ZNF592: variants seen among roughly 807,000 people sequenced by gnomAD.
ZNF592 encodes the protein spinocerebellar ataxia, autosomal recessive 5.
ZNF592 carries 11 observed loss-of-function variants against 80.3 expected under a neutral mutation model. The observed-to-expected ratio is 0.14, with a 90% CI of 0.09 to 0.23. ZNF592 has a LOEUF of 0.23. Ranked by LOEUF, ZNF592 falls within the 10% of genes least tolerant of loss-of-function variation. The pLI, the probability that ZNF592 is intolerant of heterozygous loss-of-function variation, is 1.00. For synonymous variants in ZNF592, 646 were observed against 640.3 expected (o/e 1.01, Z -0.13); for missense variants, 1,420 against 1,633.9 (o/e 0.87, Z 2.26).
chr15:84,783,026 A>T lies in ZNF592; in HGVS notation c.351A>T (p.Gly117=). ...CGKFDSTFMN[G]DSARSFPGKL... is the part of the protein sequence containing the mutation. ...AATTTGATTCTACTTTTATGAATGG[A>T]GACAGTGCCAGGAGTTTCCCTGGCA... The change falls in exon 4 of 11, where the codon GGA becomes GGT. Residue 117 remains glycine, a synonymous_variant. Transcript: ENST00000560079. This position sits in a 1 kb window ranked among gnomAD's most constrained non-coding sequence, Gnocchi z 5.0. 1 of 1,614,130 alleles carries T rather than the reference A, an allele frequency of 6.2e-7. No homozygotes were observed. Among genetic ancestry groups the T allele is most frequent in the Non-Finnish European group, 8.5e-7 (1 of 1,180,016 alleles).
At position 84,764,717 on chromosome 15, in the gene ZNF592, G is replaced by C; in HGVS notation, c.-248G>C. On this transcript the variant is annotated 5_prime_UTR_variant, in exon 2 of 11. Coordinates refer to ENST00000560079, the MANE Select transcript of ZNF592 (RefSeq NM_014630.3). ...TTCTTCTTTCCTTAGGTGGTGTTTG[G>C]ACTCTAGACCATGTGCCTAGGTAGA... The C allele has an allele frequency of 2.5e-6, 1 of 398,780 alleles. No individual in the cohort carries two copies. The allele number at this position is 398,780 out of a possible 1,614,324, so 24.7% of individuals were successfully genotyped here. A position where few individuals can be genotyped will look rare whatever the true frequency, so the allele number is the denominator to read the frequency against.
intron 1 of ZNF592, among the ~76,000 whole-genome samples, chr15:84,759,042 T>C (rs1337777504): frequency 6.6e-6 from 1 of 152,202 alleles, no homozygotes; most frequent in Non-Finnish European, 1.5e-5. Flanking sequence ...GGTCTCCCTA[T>C]GCCCTTTGCC....
rs1596125375 is a variant in ZNF592, at chr15:84,784,993, G to A, written c.2220+98G>A. The A allele has an allele frequency of 2.2e-5, 30 of 1,370,886 alleles. No homozygotes were observed. Among genetic ancestry groups the A allele is most frequent in the East Asian group, 1.2e-4 (5 of 43,426 alleles). The allele number at this position is 1,370,886 out of a possible 1,614,324, so 84.9% of individuals were successfully genotyped here. On this transcript the variant is annotated intron_variant, in intron 4 of 10. Coordinates refer to ENST00000560079, the MANE Select transcript of ZNF592 (RefSeq NM_014630.3). This position sits in a 1 kb window ranked among gnomAD's most constrained non-coding sequence, Gnocchi z 5.8. Reference sequence around the variant, plus strand: ...AAAGCTCATTGATATGGGGGCAGTGGTGGAATCTTATGAGTCTTAGAAGAG... The same window carrying A: ...AAAGCTCATTGATATGGGGGCAGTGATGGAATCTTATGAGTCTTAGAAGAG...
intron 3 of ZNF592, among the ~76,000 whole-genome samples, chr15:84,779,271 TTTC>T (rs1373451348): frequency 7.2e-5 from 11 of 152,200 alleles, no homozygotes; most frequent in South Asian, 2.1e-4. Context: ...TTCTTTACAG[TTTC>T]TTCTTTTGCT....
chr15:84,771,448 C>T (rs1453618890), intron 2 of ZNF592, among the ~76,000 whole-genome samples: 1 of 151,928 alleles, frequency 6.6e-6, no homozygotes, highest in African/African-American at 2.4e-5. Flanking sequence ...CAGAGAGGCA[C>T]GAGAAAGTGT....
At chr15:84,790,530 A>G (rs1434080939) in intron 4 of ZNF592, among the ~76,000 whole-genome samples, 175 bp from the exon 5 acceptor site, 1 of 152,214 alleles carries the variant, frequency 6.6e-6, no homozygotes, top group East Asian at 1.9e-4. Context: ...GGGTATCAGT[A>G]TCAGCACTGG....
Position 84,781,105 on chromosome 15 carries a change from G to C in ZNF592, c.-19-1552G>C, listed in dbSNP as rs552613154. ...CACTCTGTCGCCCAGGCTGGGGGCA[G>C]TGGTGCGATCTCTACTCATGGCAAC... On this transcript the variant is annotated intron_variant, in intron 3 of 10. Transcript: ENST00000560079. Among the ~76,000 whole-genome samples, 4 of 152,176 alleles carry C rather than the reference G, an allele frequency of 2.6e-5. No homozygotes were observed. The South Asian group carries it at 8.3e-4, about 32-fold the overall frequency.
Position 84,804,924 on chromosome 15 carries a change from C to T in ZNF592, c.*2531C>T, listed in dbSNP as rs1963198320. 1 of 152,310 alleles carries T rather than the reference C, an allele frequency of 6.6e-6. No individual in the cohort carries two copies. The highest frequency in any genetic ancestry group is 6.5e-5 in the Admixed American group (1 of 15,302). 9.4% of individuals were successfully genotyped at this position (152,310 alleles called of 1,614,324 possible). On this transcript the variant is annotated 3_prime_UTR_variant, in exon 11 of 11. Transcript: ENST00000560079. ...ATTTTACGGAGAAGAAACCGAGGCT[C>T]CGAGAGGTTAAACGATGTGCAGAGG...
chr15:84,771,490 G>A (rs139174983), intron 2 of ZNF592, among the ~76,000 whole-genome samples: 1 of 152,212 alleles, frequency 6.6e-6, no homozygotes, highest in East Asian at 1.9e-4. Context: ...AGAATGAAAG[G>A]TATCCTGGCA....
Position 84,799,779 on chromosome 15 carries a change from G to C in ZNF592, c.3138-63G>C. ...ACTCCCTCCTTCCTGGCCTTGGTGT[G>C]AATAGCACTGAGGGAGCCTGCGGCC... On this transcript the variant is annotated intron_variant, in intron 9 of 10. Transcript: ENST00000560079. This position sits in a 1 kb window ranked among gnomAD's most constrained non-coding sequence, Gnocchi z 4.2. The C allele has an allele frequency of 6.2e-7, 1 of 1,608,470 alleles. No individual in the cohort carries two copies. The highest frequency in any genetic ancestry group is 8.5e-7 in the Non-Finnish European group (1 of 1,179,588).
chr15:84,767,486 A>G (rs563707731), intron 2 of ZNF592, among the ~76,000 whole-genome samples: 1 of 152,282 alleles, frequency 6.6e-6, no homozygotes, highest in South Asian at 2.1e-4. Flanking sequence ...TGTGTGAACA[A>G]GAGGAGTCCT....
intron 2 of ZNF592, among the ~76,000 whole-genome samples, chr15:84,776,312 G>T (rs1242238322): frequency 6.6e-6 from 1 of 152,224 alleles, no homozygotes; most frequent in African/African-American, 2.4e-5. Flanking sequence ...TCTCAACTTT[G>T]GCTTGCTGCT....
chr15:84,768,998 T>C lies in ZNF592; in HGVS notation c.-150+4183T>C, dbSNP rs537755169. ...ATCTGTTGCCCAGACTGGAGTGCAA[T>C]AGCACGATCGTGGCTCACTGCAACC... On this transcript the variant is annotated intron_variant, in intron 2 of 10. Coordinates refer to ENST00000560079, the MANE Select transcript of ZNF592 (RefSeq NM_014630.3). Among the ~76,000 whole-genome samples the C allele has an allele frequency of 2.6e-5, 4 of 152,290 alleles. No individual in the cohort carries two copies. The South Asian group carries it at 6.2e-4, about 24-fold the overall frequency.
At chr15:84,767,941 A>G (rs1323639783) in intron 2 of ZNF592, among the ~76,000 whole-genome samples, 1 of 151,714 alleles carries the variant, frequency 6.6e-6, no homozygotes, top group Admixed American at 6.6e-5. Flanking sequence ...CAATGGTGCA[A>G]TCACAGCTCA....
At chr15:84,761,460 A>G (rs969530598) in intron 1 of ZNF592, among the ~76,000 whole-genome samples, 1 of 152,218 alleles carries the variant, frequency 6.6e-6, no homozygotes, top group African/African-American at 2.4e-5. Flanking sequence ...ATGCTCCCCA[A>G]CTGCTGTGTG....
chr15:84,780,440 A>G (rs373626427), intron 3 of ZNF592, among the ~76,000 whole-genome samples: 2 of 152,216 alleles, frequency 1.3e-5, no homozygotes, highest in East Asian at 3.8e-4. Context: ...GACATCCAGT[A>G]TGTTCCCCTT....
chr15:84,774,083 T>A (rs1007326959), intron 2 of ZNF592, among the ~76,000 whole-genome samples: 1 of 152,242 alleles, frequency 6.6e-6, no homozygotes, highest in Non-Finnish European at 1.5e-5. Context: ...AAAGTATAAT[T>A]GGTATTGCTT....
chr15:84,749,710 G>A (rs1439267145), intron 1 of ZNF592, among the ~76,000 whole-genome samples: 2 of 152,170 alleles, frequency 1.3e-5, no homozygotes, highest in East Asian at 3.8e-4. Context: ...GCACAGTGTG[G>A]CAGAGTGCGG....
rs1410854662 is a variant in ZNF592 at position 84,793,522 on chromosome 15, C to T, written c.2399+2639C>T. On this transcript the variant is annotated intron_variant, in intron 5 of 10. Coordinates refer to ENST00000560079, the MANE Select transcript of ZNF592 (RefSeq NM_014630.3). ...GAATGCCAGACCAAATGAATTGTGACTCAGCGAAAGGGATTACTGAAGATA... is the reference window on the plus strand; with the variant it reads ...GAATGCCAGACCAAATGAATTGTGATTCAGCGAAAGGGATTACTGAAGATA... Among the ~76,000 whole-genome samples, 4 of 152,226 alleles carry T rather than the reference C, an allele frequency of 2.6e-5. No individual in the cohort carries two copies. The East Asian group carries it at 7.7e-4, about 29-fold the overall frequency.
Sources: allele counts gnomAD v4.1 joint callset (sites outside exome capture counted in the v4.1 genomes callset), GRCh38; gene constraint gnomAD v4.1.1; non-coding constraint Gnocchi (gnomAD v3.1); transcripts MANE v1.5; gene names NCBI Gene and HGNC (gene_info 2026-07-23, HGNC 2026-07-21).